Variants in MICAL2 observed in about 807,000 individuals in gnomAD.
MICAL2 encodes the protein [F-actin]-monooxygenase MICAL2.
Under a neutral mutation model 127.3 loss-of-function variants are expected in MICAL2, and 77 were observed. The ratio of observed to expected loss-of-function variants is 0.60; its 90% CI spans 0.50 to 0.73. The LOEUF (loss-of-function observed/expected upper bound fraction) is 0.73, where lower values mean the gene tolerates loss of function less well. Among genes scored for constraint, MICAL2 ranks in the 30% least tolerant of loss-of-function variants. MICAL2 has a pLI of 0.00. For missense variants in MICAL2, 1,351 were observed against 1,434.4 expected (o/e 0.94, Z 0.94); for synonymous variants, 570 against 551.1 (o/e 1.03, Z -0.48).
chr11:12,286,148 G>A (rs76065582), intron 2 of MICAL2, among the ~76,000 whole-genome samples: 5,071 of 152,254 alleles, frequency 0.033, 121 homozygotes, highest in East Asian at 0.07. Context: ...CTGGCAGAGG[G>A]GTCTTCCACA....
At chr11:12,229,630 T>G (rs905233437) in intron 15 of MICAL2, among the ~76,000 whole-genome samples, 1 of 152,236 alleles carries the variant, frequency 6.6e-6, no homozygotes, top group Non-Finnish European at 1.5e-5. Context: ...ACACCTCTAT[T>G]TACAGAGTGA....
chr11:12,238,454 T>A (rs777477357), intron 16 of MICAL2, among the ~76,000 whole-genome samples: 3 of 152,220 alleles, frequency 2.0e-5, no homozygotes, highest in Non-Finnish European at 4.4e-5. Context: ...CCCGCTGTAC[T>A]GGAATGAGAA....
At chr11:12,185,719 A>G (rs1167907688) in intron 3 of MICAL2, among the ~76,000 whole-genome samples, 1 of 152,176 alleles carries the variant, frequency 6.6e-6, no homozygotes, top group Non-Finnish European at 1.5e-5. Flanking sequence ...CGCACTGCTC[A>G]GCTCTCCCAG....
At chr11:12,328,713 C>T (rs893650287) in intron 32 of MICAL2, among the ~76,000 whole-genome samples, 22 of 152,268 alleles carry the variant, frequency 1.4e-4, no homozygotes, top group East Asian at 5.8e-4. Flanking sequence ...AAACTGAGCA[C>T]TGAAATAATG....
chr11:12,278,105 G>C (rs1258058080), intron 1 of MICAL2, among the ~76,000 whole-genome samples: 4 of 152,208 alleles, frequency 2.6e-5, no homozygotes, highest in Admixed American at 2.6e-4. Flanking sequence ...TGGTGTGTGA[G>C]TGTGAAGGCC....
chr11:12,242,698 G>A lies in MICAL2; in HGVS notation c.2584G>A (p.Glu862Lys). The change falls in exon 20 of 28, where the codon GAA becomes AAA. Residue 862 changes from glutamate to lysine, a missense_variant. By Grantham distance (56) the Glu-to-Lys change is moderately conservative. Transcript: ENST00000683283. The part of the protein sequence containing the change: ...QKRAQNLANR[E>K]FHTKNIKEKA... The stretch of plus-strand genomic sequence containing the variant: ...GAGGGCTCAGAACTTGGCCAACAGG[G>A]AATTTCACACAAAGAACATTAAGGA... The A allele has an allele frequency of 6.8e-6, 11 of 1,612,730 alleles. No individual in the cohort carries two copies. The highest frequency in any genetic ancestry group is 9.3e-6 in the Non-Finnish European group (11 of 1,179,612).
At chr11:12,327,322 G>T in intron 32 of MICAL2, 1 of 1,428,226 alleles carries the variant, frequency 7.0e-7, no homozygotes, top group Non-Finnish European at 9.5e-7. Context: ...TAGTGCTAGC[G>T]TAACCATCTG....
rs761585254 is a variant in MICAL2, at chr11:12,222,600, G to C, written c.1323-17G>C. 13 of 1,614,024 alleles carry C rather than the reference G, an allele frequency of 8.1e-6. No individual in the cohort carries two copies. The highest frequency in any genetic ancestry group is 1.3e-5 in the African/African-American group (1 of 74,934). On this transcript the variant is annotated splice_polypyrimidine_tract_variant and intron_variant, in intron 10 of 27. Transcript: ENST00000683283. ...GGCAAAAGTGATCCCTGACCTCCAGGCTCCGCCTCCCTCCAGGGAAAGTCT... is the reference window on the plus strand; with the variant it reads ...GGCAAAAGTGATCCCTGACCTCCAGCCTCCGCCTCCCTCCAGGGAAAGTCT...
At chr11:12,322,679 C>T (rs1864311834) in intron 30 of MICAL2, among the ~76,000 whole-genome samples, 1 of 151,916 alleles carries the variant, frequency 6.6e-6, no homozygotes. Flanking sequence ...TAAAAATAGC[C>T]CAATTTGAAC....
Position 12,221,764 on chromosome 11 carries a change from G to A in MICAL2, c.1322+5G>A. 2.5e-6 allele frequency: 4 copies of A among 1,611,540 alleles called. No homozygotes were observed. The highest frequency in any genetic ancestry group is 3.4e-6 in the Non-Finnish European group (4 of 1,178,394). ...CCTGGAGCTGCTGGCTGAAAGGTGA[G>A]CTTTGACAGTAGGGCTCCTAACTGG... On this transcript the variant is annotated splice_donor_5th_base_variant and intron_variant, in intron 10 of 27. Coordinates refer to ENST00000683283, the MANE Select transcript of MICAL2 (RefSeq NM_001282663.2).
chr11:12,232,313 G>A (rs1395865659), intron 15 of MICAL2, among the ~76,000 whole-genome samples: 2 of 152,178 alleles, frequency 1.3e-5, no homozygotes, highest in East Asian at 1.9e-4. Flanking sequence ...AGGAAGGCTG[G>A]GAACATATTT....
At chr11:12,320,808 G>A (rs1319908903) in intron 30 of MICAL2, among the ~76,000 whole-genome samples, 1 of 152,076 alleles carries the variant, frequency 6.6e-6, no homozygotes, top group Non-Finnish European at 1.5e-5. Context: ...GTGGGGAGGG[G>A]AGGAGAGAGG....
intron 2 of MICAL2, among the ~76,000 whole-genome samples, chr11:12,140,341 T>C (rs1222662341): frequency 2.0e-5 from 3 of 152,194 alleles, no homozygotes; most frequent in Non-Finnish European, 4.4e-5. Context: ...CCCAAGGCAA[T>C]GCAGCTGTCT....
chr11:12,199,716 T>C (rs1294292221), intron 3 of MICAL2, among the ~76,000 whole-genome samples: 1 of 152,202 alleles, frequency 6.6e-6, no homozygotes, highest in African/African-American at 2.4e-5. Flanking sequence ...GTGTCCTGAC[T>C]GTGGGCTAGT....
chr11:12,169,861 C>T (rs1163350008), intron 3 of MICAL2, among the ~76,000 whole-genome samples: 1 of 152,116 alleles, frequency 6.6e-6, no homozygotes, highest in Non-Finnish European at 1.5e-5. Context: ...GTGGATACTC[C>T]CACCAATAGT....
At chr11:12,165,123 A>G (rs1855325554) in intron 3 of MICAL2, among the ~76,000 whole-genome samples, 1 of 145,862 alleles carries the variant, frequency 6.9e-6, no homozygotes, top group Admixed American at 7.1e-5. Flanking sequence ...TGGGTGACAG[A>G]GCGAGACTCC....
At chr11:12,129,875 T>A (rs184733146) in intron 1 of MICAL2, among the ~76,000 whole-genome samples, 2 of 152,036 alleles carry the variant, frequency 1.3e-5, no homozygotes, top group Non-Finnish European at 2.9e-5. Context: ...GCCTGGCTAA[T>A]TTTTTCTTTT....
chr11:12,215,959 T>C (rs988176697), intron 7 of MICAL2, among the ~76,000 whole-genome samples: 4 of 152,206 alleles, frequency 2.6e-5, no homozygotes, highest in Non-Finnish European at 4.4e-5. Flanking sequence ...CTCTAACTTA[T>C]ACTGGCCCAC....
At chr11:12,292,706 T>C (rs1375655670), downstream of MICAL2, among the ~76,000 whole-genome samples, 1 of 152,230 alleles carries the variant, frequency 6.6e-6, no homozygotes, top group Non-Finnish European at 1.5e-5. Context: ...ACATCTCCCT[T>C]GAATATAAAA....
Sources: gnomAD v4.1 joint callset for allele counts (sites outside exome capture counted in the v4.1 genomes callset) on GRCh38, gnomAD v4.1.1 for gene constraint, MANE v1.5 for transcripts, NCBI Gene and HGNC (gene_info 2026-07-23, HGNC 2026-07-21) for gene names.